Variants in STK3 observed in about 807,000 individuals in gnomAD.
STK3 encodes serine/threonine kinase 3, also known as serine/threonine-protein kinase 3.
In STK3, 41 loss-of-function variants were observed where a neutral mutation model predicts 58.0. The observed-to-expected ratio is 0.71, with a 90% CI of 0.55 to 0.92. STK3 has a LOEUF of 0.92. Ranked by LOEUF, STK3 falls within the 40% of genes least tolerant of loss-of-function variation. The pLI, the probability that STK3 is intolerant of heterozygous loss-of-function variation, is 0.00. For missense variants in STK3, 479 were observed against 602.7 expected (o/e 0.79, Z 2.15); for synonymous variants, 170 against 191.0 (o/e 0.89, Z 0.91).
chr8:98,435,063 C>A (rs1047163909), intron 2 of STK3, among the ~76,000 whole-genome samples: 1 of 152,186 alleles, frequency 6.6e-6, no homozygotes, highest in Non-Finnish European at 1.5e-5. Context: ...CAGAGGGCTC[C>A]ACAATCTGGT....
At chr8:98,655,256 C>T (rs1204461854) in intron 6 of STK3, among the ~76,000 whole-genome samples, 20 of 152,134 alleles carry the variant, frequency 1.3e-4, no homozygotes, top group South Asian at 4.2e-4. Context: ...ATTTAATAAA[C>T]GGTGCTGGGA....
chr8:98,676,798 A>G (rs1823246399), intron 6 of STK3, among the ~76,000 whole-genome samples: 1 of 152,190 alleles, frequency 6.6e-6, no homozygotes, highest in Admixed American at 6.5e-5. Context: ...GCTTATTTCC[A>G]CAATATTTTT....
At chr8:98,407,416 G>A in intron 3 of STK3, among the ~76,000 whole-genome samples, 1 of 152,204 alleles carries the variant, frequency 6.6e-6, no homozygotes, top group East Asian at 1.9e-4. Flanking sequence ...GGGAGGGAGT[G>A]AGGATACACC....
rs1210483704 is a variant in STK3 at position 98,387,512 on chromosome 8, A to G, written n.56+680T>C. On this transcript the variant is annotated intron_variant and non_coding_transcript_variant, in intron 1 of 2. Transcript: ENST00000518704. ...GCCTGTAACCCCAGCACTTCGGGAG[A>G]CCAAGGCAGGCAGATCACCTGAGGT... Among the ~76,000 whole-genome samples the G allele has an allele frequency of 2.6e-5, 4 of 152,144 alleles. No homozygotes were observed. In the East Asian group the frequency reaches 7.7e-4, roughly 29 times the overall value.
chr8:98,415,779 AT>A (rs1353324873), intron 3 of STK3, among the ~76,000 whole-genome samples: 2 of 152,216 alleles, frequency 1.3e-5, no homozygotes, highest in Admixed American at 1.3e-4. Context: ...TGAACAGATG[AT>A]TTTTTGAAAT....
At chr8:98,741,397 C>T (rs1829195516) in intron 4 of STK3, among the ~76,000 whole-genome samples, 1 of 152,218 alleles carries the variant, frequency 6.6e-6, no homozygotes, top group African/African-American at 2.4e-5. Flanking sequence ...CAAACTGTCT[C>T]TCAGACCACA....
At chr8:98,918,809 C>T (rs1194910543) in intron 1 of STK3, among the ~76,000 whole-genome samples, 2 of 151,826 alleles carry the variant, frequency 1.3e-5, no homozygotes, top group Non-Finnish European at 2.9e-5. Flanking sequence ...AAAAGAAAAT[C>T]TAAACCTTTG....
intron 1 of STK3, among the ~76,000 whole-genome samples, chr8:98,903,102 C>T (rs1204992625): frequency 2.0e-5 from 3 of 152,144 alleles, no homozygotes; most frequent in African/African-American, 7.2e-5. Flanking sequence ...TCTAGCCATG[C>T]GGGTCTCCTT....
chr8:98,641,589 C>A (rs997797950), intron 6 of STK3, among the ~76,000 whole-genome samples: 4 of 152,178 alleles, frequency 2.6e-5, no homozygotes, highest in African/African-American at 9.7e-5. Context: ...AATTTACCAA[C>A]CCTGTGCTGT....
rs759597833 is a variant in STK3, at chr8:98,891,607, CTGTG to C, written c.-78-7777_-78-7774del. On this transcript the variant is annotated intron_variant, in intron 1 of 1. Coordinates refer to the STK3 transcript ENST00000519420. ...GTGCAGACTTTATCTTTAAATAAAA[CTGTG>C]TGTGTGTGTGTGTGTGAGAGAGAGA... Among the ~76,000 whole-genome samples the C allele has an allele frequency of 2.4e-4, 33 of 140,340 alleles. No homozygotes were observed. The South Asian group carries it at 5.3e-3, about 22-fold the overall frequency. The allele number at this position is 140,340 out of a possible 152,430, so 92.1% of individuals were successfully genotyped here. A position where few individuals can be genotyped will look rare whatever the true frequency, so the allele number is the denominator to read the frequency against.
intron 6 of STK3, among the ~76,000 whole-genome samples, chr8:98,615,099 C>A (rs1001824294): frequency 6.6e-6 from 1 of 151,894 alleles, no homozygotes; most frequent in South Asian, 2.1e-4. Context: ...TCTCCCAGCA[C>A]GCAGCTGGAG....
chr8:98,860,214 T>A (rs1836875203), intron 3 of STK3, among the ~76,000 whole-genome samples: 3 of 152,186 alleles, frequency 2.0e-5, no homozygotes, highest in African/African-American at 4.8e-5. Flanking sequence ...AAAATAGATG[T>A]GATAACATGA....
intron 9 of STK3, among the ~76,000 whole-genome samples, chr8:98,538,376 A>G (rs965767642): frequency 6.6e-6 from 1 of 152,228 alleles, no homozygotes; most frequent in Non-Finnish European, 1.5e-5. Flanking sequence ...AGGTCCACAG[A>G]CTATTCATAA....
In STK3 at chr8:98,800,224, G is replaced by A. The variant is rs1479446362; in HGVS notation, c.26+25291C>T. Reference sequence around the variant, plus strand: ...GTCTTACAAATGGAACCTCAAATGAGTTCAACTAACAACTTCTACCGAGGA... The same window carrying A: ...GTCTTACAAATGGAACCTCAAATGAATTCAACTAACAACTTCTACCGAGGA... On this transcript the variant is annotated intron_variant, in intron 1 of 10. Transcript: ENST00000419617. This position sits in a 1 kb window ranked among gnomAD's most constrained non-coding sequence, Gnocchi z 4.8. Among the ~76,000 whole-genome samples, 1 of 152,172 alleles carries A rather than the reference G, an allele frequency of 6.6e-6. No individual in the cohort carries two copies. Among genetic ancestry groups the A allele is most frequent in the Non-Finnish European group, 1.5e-5 (1 of 68,038 alleles).
chr8:98,826,389 G>T (rs1426605855), upstream of STK3, among the ~76,000 whole-genome samples: 1 of 152,098 alleles, frequency 6.6e-6, no homozygotes, highest in Non-Finnish European at 1.5e-5. Flanking sequence ...CAAGCTCCTC[G>T]CTACATTTCA....
At chr8:98,662,331 G>A (rs994066443) in intron 6 of STK3, among the ~76,000 whole-genome samples, 44 of 152,222 alleles carry the variant, frequency 2.9e-4, no homozygotes, top group African/African-American at 1.1e-3. Context: ...ATTCAAGCAA[G>A]TGGGATCCAG....
chr8:98,828,455 A>AAAAAAAAAAAC (rs1835403469), upstream of STK3, among the ~76,000 whole-genome samples: 5 of 150,556 alleles, frequency 3.3e-5, no homozygotes, highest in African/African-American at 1.2e-4. Context: ...AAAAAAAAAA[A>AAAAAAAAAAAC]AAAAAAAAAA....
chr8:98,746,903 A>G (rs1316357841), intron 4 of STK3, among the ~76,000 whole-genome samples: 1 of 151,982 alleles, frequency 6.6e-6, no homozygotes, highest in East Asian at 1.9e-4. Context: ...TTAGCCAGGC[A>G]TGATGGCATG....
intron 6 of STK3, among the ~76,000 whole-genome samples, chr8:98,612,336 T>G (rs1284331305): frequency 1.3e-5 from 2 of 150,508 alleles, no homozygotes; most frequent in Non-Finnish European, 3.0e-5. Context: ...TGGGGAGGAC[T>G]GCTTGAAACC....
Sources: allele counts gnomAD v4.1 joint callset (sites outside exome capture counted in the v4.1 genomes callset), GRCh38; gene constraint gnomAD v4.1.1; non-coding constraint Gnocchi (gnomAD v3.1); transcripts MANE v1.5; gene names NCBI Gene and HGNC (gene_info 2026-07-23, HGNC 2026-07-21).